The following SYNE1 variants were observed in gnomAD, a reference collection of about 807,000 sequenced individuals.
The protein encoded by SYNE1 is spectrin repeat containing nuclear envelope protein 1.
SYNE1 carries 616 observed loss-of-function variants against 1,111.0 expected under a neutral mutation model. The ratio of observed to expected loss-of-function variants is 0.55; its 90% CI spans 0.52 to 0.59. The LOEUF is 0.59. SYNE1 is among the 20% of genes least tolerant of loss of function. The pLI, the probability that SYNE1 is intolerant of heterozygous loss-of-function variation, is 0.00. For missense variants in SYNE1, 10,006 were observed against 10,417.0 expected (o/e 0.96, Z 1.72); for synonymous variants, 3,855 against 3,825.8 (o/e 1.01, Z -0.28).
chr6:152,617,321 T>C (rs2099658713), intron 3 of SYNE1, among the ~76,000 whole-genome samples: 1 of 152,222 alleles, frequency 6.6e-6, no homozygotes, highest in Admixed American at 6.5e-5. Flanking sequence ...TCCTTAATTA[T>C]ATGTGTTTGT....
intron 88 of SYNE1, 31 bp from the exon 89 acceptor site, chr6:152,310,549 G>A (rs375337942): frequency 1.2e-6 from 2 of 1,613,558 alleles, no homozygotes; most frequent in Non-Finnish European, 1.7e-6. Context: ...TATTGTACTT[G>A]AAGTTCAAAG....
chr6:152,362,981 C>G (rs182801910), intron 63 of SYNE1, among the ~76,000 whole-genome samples: 53 of 151,228 alleles, frequency 3.5e-4, no homozygotes, highest in Middle Eastern at 3.4e-3. Context: ...CCCGGGTTCA[C>G]GCCATTCTCC....
chr6:152,420,076 T>C (rs1457665999), intron 39 of SYNE1, among the ~76,000 whole-genome samples: 2 of 152,210 alleles, frequency 1.3e-5, no homozygotes, highest in African/African-American at 4.8e-5. Context: ...ATAATTATCA[T>C]TATGTTCAAT....
Position 152,465,654 on chromosome 6 carries a change from A to C in SYNE1, c.1730-194T>G, listed in dbSNP as rs375262124. On this transcript the variant is annotated intron_variant, in intron 17 of 145. Transcript: ENST00000367255. ...ACAAATTGTGTCTTTACACTAATTAATTTCTCATTTACTTGATTGGTAATC... is the reference window on the plus strand; with the variant it reads ...ACAAATTGTGTCTTTACACTAATTACTTTCTCATTTACTTGATTGGTAATC... Among the ~76,000 whole-genome samples, 5 of 152,206 alleles carry C rather than the reference A, an allele frequency of 3.3e-5. No individual in the cohort carries two copies. The East Asian group carries it at 7.7e-4, about 23-fold the overall frequency.
At chr6:152,293,936 A>C in intron 94 of SYNE1, 24 bp downstream of exon 94, 1 of 1,613,852 alleles carries the variant, frequency 6.2e-7, no homozygotes, top group Non-Finnish European at 8.5e-7. Flanking sequence ...GGTGGGCATA[A>C]ACTAGTCCAC....
chr6:152,346,108 A>C (rs2096625402), intron 73 of SYNE1, among the ~76,000 whole-genome samples: 1 of 152,286 alleles, frequency 6.6e-6, no homozygotes, highest in Admixed American at 6.5e-5. Context: ...AAACACATCA[A>C]CTATTTTTTT....
intron 128 of SYNE1, among the ~76,000 whole-genome samples, chr6:152,181,035 A>G (rs1416509860): frequency 6.8e-6 from 1 of 146,328 alleles, no homozygotes; most frequent in Non-Finnish European, 1.5e-5. Flanking sequence ...TATTCACAGC[A>G]TTTGTGAATC....
chr6:152,241,789 T>C (rs1355162388), intron 107 of SYNE1, among the ~76,000 whole-genome samples: 4 of 151,628 alleles, frequency 2.6e-5, no homozygotes, highest in Admixed American at 2.0e-4. Context: ...GAGCAAGGAG[T>C]GAGCGAGGAG....
At position 152,233,829 on chromosome 6, in the gene SYNE1, C is replaced by G. The variant is rs1208383024; in HGVS notation, c.20664G>C (p.Trp6888Cys). ...RSELSRIDSQ[W>C]TDLLTNIPAV... The stretch of plus-strand genomic sequence containing the variant: ...CTGGGATATTGGTTAGCAGGTCAGT[C>G]CACTGGCTATCAATGCGCGACAGCT... The change falls in exon 112 of 146, where the codon TGG becomes TGC. Residue 6888 changes from tryptophan to cysteine, a missense_variant. Physicochemically the swap from Trp to Cys is radical, Grantham distance 215 (BLOSUM62 -2). Transcript: ENST00000367255. 3 of 1,614,180 alleles carry G rather than the reference C, an allele frequency of 1.9e-6. No homozygotes were observed. Among genetic ancestry groups the G allele is most frequent in the Non-Finnish European group, 2.5e-6 (3 of 1,180,044 alleles).
Position 152,395,516 on chromosome 6 carries a change from C to G in SYNE1, c.7712G>C (p.Arg2571Thr). Residue 2571 changes from arginine (R) to threonine (T), a missense_variant and splice_region_variant, in exon 51 of 146, where the codon AGA becomes ACA. Transcript: ENST00000367255. ...GACCTGTTCCATTTCTGGACCATAC[C>G]TTGCAGCCAGCAGTTCTCCCAAAAA... is the stretch of plus-strand genomic sequence containing the variant. Reference protein sequence around the residue: ...EMFLGELLAARESLDKLSQRG... With the variant: ...EMFLGELLAATESLDKLSQRG... 6.2e-7 allele frequency: 1 copy of G among 1,613,386 alleles called. No individual in the cohort carries two copies. Among genetic ancestry groups the G allele is most frequent in the Non-Finnish European group, 8.5e-7 (1 of 1,179,628 alleles).
intron 97 of SYNE1, among the ~76,000 whole-genome samples, chr6:152,279,250 A>G (rs1324841009): frequency 1.3e-5 from 2 of 150,034 alleles, no homozygotes; most frequent in Non-Finnish European, 3.0e-5. Context: ...ACTTAAAACA[A>G]AAAACAAAAA....
intron 72 of SYNE1, among the ~76,000 whole-genome samples, 192 bp downstream of exon 72, chr6:152,349,976 C>T (rs1351634897): frequency 1.3e-5 from 2 of 152,168 alleles, no homozygotes; most frequent in Non-Finnish European, 2.9e-5. Context: ...TTGTAAATTG[C>T]CCAGTCTCAG....
intron 117 of SYNE1, among the ~76,000 whole-genome samples, chr6:152,224,164 A>G (rs2153476947): frequency 1.3e-5 from 2 of 152,314 alleles, no homozygotes; most frequent in South Asian, 2.1e-4. Flanking sequence ...GATGCAGATA[A>G]GAAGAGAAAA....
intron 2 of SYNE1, among the ~76,000 whole-genome samples, chr6:152,631,252 T>C (rs551151251): frequency 6.6e-6 from 1 of 152,076 alleles, no homozygotes; most frequent in Admixed American, 6.5e-5. Flanking sequence ...AGGTGAAACA[T>C]ACGAAAGACA....
chr6:152,333,542 G>C (rs1343738559), intron 77 of SYNE1, among the ~76,000 whole-genome samples: 1 of 152,082 alleles, frequency 6.6e-6, no homozygotes, highest in Admixed American at 6.5e-5. Context: ...GGAAAACCAT[G>C]ACTCTATATC....
chr6:152,197,211 A>T lies in SYNE1; in HGVS notation c.23145+4613T>A, dbSNP rs117973263. On this transcript the variant is annotated intron_variant, in intron 127 of 145. Transcript: ENST00000367255. ...CTTCATTGCCTCTTTCTGTACTATG[A>T]AGTTGAAATCAGGTAATGTGATTGC... 1.2e-3 allele frequency among the ~76,000 whole-genome samples: 184 copies of T among 152,236 alleles called. 3 individuals carry two copies. In the East Asian group the frequency reaches 0.032, roughly 26 times the overall value.
At chr6:152,143,922 T>TG in intron 137 of SYNE1, 157 bp from the exon 138 acceptor site, 1 of 1,068,900 alleles carries the variant, frequency 9.4e-7, no homozygotes, top group Non-Finnish European at 1.4e-6. Context: ...ATCGTGCCGG[T>TG]GGGTTAGACA....
chr6:152,474,674 A>AT (rs2098825391), intron 14 of SYNE1: 1 of 152,230 alleles, frequency 6.6e-6, no homozygotes, highest in Non-Finnish European at 1.5e-5. Flanking sequence ...CTTGACAACA[A>AT]TGTGTAAGAT....
intron 48 of SYNE1, among the ~76,000 whole-genome samples, chr6:152,399,048 A>G (rs530428276): frequency 6.6e-6 from 1 of 152,308 alleles, no homozygotes; most frequent in South Asian, 2.1e-4. Context: ...GAATATGTAA[A>G]AAGTGCAAGG....
Sources: gnomAD v4.1 joint callset for allele counts (sites outside exome capture counted in the v4.1 genomes callset) on GRCh38, gnomAD v4.1.1 for gene constraint, MANE v1.5 for transcripts, NCBI Gene and HGNC (gene_info 2026-07-23, HGNC 2026-07-21) for gene names.